The following MAP4K3 variants were observed in gnomAD, a reference collection of about 807,000 sequenced individuals.
MAP4K3 encodes the protein MAPK/ERK kinase kinase kinase 3.
In MAP4K3, 94 loss-of-function variants were observed where a neutral mutation model predicts 143.5. The observed-to-expected ratio is 0.65, with a 90% confidence interval of 0.55 to 0.78. The LOEUF is 0.78. Among genes scored for constraint, MAP4K3 ranks in the 30% least tolerant of loss-of-function variants. The pLI, the probability that MAP4K3 is intolerant of heterozygous loss-of-function variation, is 0.00. For synonymous variants in MAP4K3, 416 were observed against 347.2 expected, an observed-to-expected ratio of 1.20 and a Z score of -2.20; for missense variants, 1,077 against 1,068.1, an observed-to-expected ratio of 1.01 and a Z score of -0.12.
intron 3 of MAP4K3, among the ~76,000 whole-genome samples, chr2:39,352,961 A>G (rs1665501506): frequency 6.6e-6 from 1 of 152,216 alleles, no homozygotes; most frequent in Non-Finnish European, 1.5e-5. Flanking sequence ...CGGGGTTTCT[A>G]TCAAGTTCAA....
At chr2:39,345,923 A>C (rs1223507559) in intron 3 of MAP4K3, among the ~76,000 whole-genome samples, 1 of 141,100 alleles carries the variant, frequency 7.1e-6, no homozygotes, top group Non-Finnish European at 1.5e-5. Context: ...CTCTGTCTCA[A>C]AAAAAAAAAA....
chr2:39,346,160 A>G (rs2148539370), intron 3 of MAP4K3, among the ~76,000 whole-genome samples: 1 of 152,318 alleles, frequency 6.6e-6, no homozygotes, highest in East Asian at 1.9e-4. Context: ...AGACTGGCAG[A>G]TGTGTGGTCT....
At chr2:39,282,325 C>G (rs1325687077) in intron 22 of MAP4K3, among the ~76,000 whole-genome samples, 188 bp downstream of exon 22, 1 of 152,158 alleles carries the variant, frequency 6.6e-6, no homozygotes, top group East Asian at 1.9e-4. Context: ...TGGTGAAACT[C>G]TGTCTCTATT....
chr2:39,328,633 G>A (rs538637941), intron 8 of MAP4K3, among the ~76,000 whole-genome samples: 1 of 152,126 alleles, frequency 6.6e-6, no homozygotes, highest in Admixed American at 6.5e-5. Flanking sequence ...TGTTCTGGTG[G>A]TTTCTTACCA....
At position 39,282,524 on chromosome 2, in the gene MAP4K3, G is replaced by A. The variant is rs1681582383; in HGVS notation, c.1618C>T (p.Pro540Ser). 6.2e-7 allele frequency: 1 copy of A among 1,611,314 alleles called. No individual in the cohort carries two copies. Among genetic ancestry groups the A allele is most frequent in the East Asian group, 2.2e-5 (1 of 44,766 alleles). The change falls in exon 22 of 34, where the codon CCT becomes TCT. Residue 540 changes from proline (P) to serine (S), a missense_variant. Pro to Ser is a moderately conservative substitution (Grantham distance 74, BLOSUM62 -1). Coordinates refer to ENST00000263881, the MANE Select transcript of MAP4K3 (RefSeq NM_003618.4). ...TATTTAGTACTTACATGCACTTTAG[G>A]TGTTGGAGGAAGACCATTACTAATA... Reference protein sequence around the residue: ...KPISNGLPPTPKVHMGACFSK... With the variant: ...KPISNGLPPTSKVHMGACFSK...
intron 14 of MAP4K3, 44 bp downstream of exon 14, chr2:39,309,417 A>G: frequency 2.1e-6 from 3 of 1,410,408 alleles, no homozygotes; most frequent in Non-Finnish European, 2.9e-6. Flanking sequence ...AACAAATTAA[A>G]ACATTTATTT....
At chr2:39,422,837 A>G (rs984018172) in intron 1 of MAP4K3, among the ~76,000 whole-genome samples, 20 of 152,328 alleles carry the variant, frequency 1.3e-4, no homozygotes, top group African/African-American at 3.8e-4. Flanking sequence ...AGAAGATAAC[A>G]TACAAGAAAA....
chr2:39,396,455 T>G (rs948132377), intron 1 of MAP4K3, among the ~76,000 whole-genome samples: 1 of 151,764 alleles, frequency 6.6e-6, no homozygotes, highest in African/African-American at 2.4e-5. Flanking sequence ...CTCAAGACAA[T>G]GTGCTTTAAC....
chr2:39,269,971 T>A (rs958695211), intron 26 of MAP4K3, among the ~76,000 whole-genome samples: 21 of 152,174 alleles, frequency 1.4e-4, no homozygotes, highest in African/African-American at 4.8e-4. Context: ...TCTTAACGAA[T>A]CTGCTTTGAA....
chr2:39,389,815 G>C (rs954001976), intron 1 of MAP4K3, among the ~76,000 whole-genome samples: 2 of 152,144 alleles, frequency 1.3e-5, no homozygotes, highest in Admixed American at 6.5e-5. Flanking sequence ...GAAAGTTTAA[G>C]ATGCAAGGAG....
intron 13 of MAP4K3, among the ~76,000 whole-genome samples, chr2:39,314,051 A>C (rs1683033716): frequency 6.6e-6 from 1 of 151,670 alleles, no homozygotes; most frequent in African/African-American, 2.4e-5. Context: ...TTTTTTTCCA[A>C]ACAGAATCTT....
intron 2 of MAP4K3, among the ~76,000 whole-genome samples, chr2:39,370,912 TATA>T (rs939047847): frequency 2.8e-4 from 42 of 152,218 alleles, no homozygotes; most frequent in Admixed American, 1.8e-3. Flanking sequence ...AACTTATTTA[TATA>T]ATAACACCTT....
intron 2 of MAP4K3, 43 bp from the exon 3 acceptor site, chr2:39,356,382 T>TC (rs1665611375): frequency 1.0e-6 from 1 of 1,003,640 alleles, no homozygotes. Flanking sequence ...GAGGTAAGTT[T>TC]CAAAATGCTC....
Position 39,334,901 on chromosome 2 carries a change from G to T in MAP4K3, c.415-1327C>A, listed in dbSNP as rs541505305. Among the ~76,000 whole-genome samples the T allele has an allele frequency of 8.5e-5, 13 of 152,272 alleles. 1 individual carries two copies. Among genetic ancestry groups the T allele is most frequent in the Admixed American group, 7.9e-4 (12 of 15,278 alleles). ...AAAGTCAGGTAGAAATAATTACTCT[G>T]AAGACACAGCAGGGAAGGCCTCTCC... On this transcript the variant is annotated intron_variant, in intron 6 of 33. Transcript: ENST00000263881.
In MAP4K3 at chr2:39,337,751, A is replaced by ATTTTT. The variant is rs1573169563; in HGVS notation, c.311-171_311-170insAAAAA. ...CTACTGTCCTACTGTGCCTGGCTCC[A>ATTTTT]GTTTTTTTTTTTTTTTTTTTTTTTT... On this transcript the variant is annotated intron_variant, in intron 4 of 33. Transcript: ENST00000263881. 5.0e-5 allele frequency among the ~76,000 whole-genome samples: 4 copies of ATTTTT among 80,122 alleles called. No individual in the cohort carries two copies. In the East Asian group the frequency reaches 1.3e-3, roughly 27 times the overall value. The allele number at this position is 80,122 out of a possible 152,430, so 52.6% of individuals were successfully genotyped here. A position where few individuals can be genotyped will look rare whatever the true frequency, so the allele number is the denominator to read the frequency against.
At chr2:39,280,226 G>A (rs200205659) in intron 23 of MAP4K3, 46 bp downstream of exon 23, 7 of 1,147,144 alleles carry the variant, frequency 6.1e-6, no homozygotes, top group Non-Finnish European at 7.3e-6. Flanking sequence ...CATGGCCCCA[G>A]TTTTAAAAAA....
intron 1 of MAP4K3, among the ~76,000 whole-genome samples, chr2:39,433,008 T>C (rs1252557170): frequency 2.6e-5 from 4 of 152,218 alleles, no homozygotes; most frequent in Admixed American, 6.5e-5. Flanking sequence ...AAGAATCTAA[T>C]AGTCAAGTAA....
rs575651707 is a variant in MAP4K3, at chr2:39,367,902, C to G, written c.154+10164G>C. On this transcript the variant is annotated intron_variant, in intron 2 of 33. Transcript: ENST00000263881. ...TTAAGATTTTTTTCATCCCAAAGAA[C>G]CAGTTCCACTCCTTTCTTATTTTAA... Among the ~76,000 whole-genome samples, 22 of 152,262 alleles carry G rather than the reference C, an allele frequency of 1.4e-4. No homozygotes were observed. In the South Asian group the frequency reaches 4.4e-3, roughly 30 times the overall value.
chr2:39,283,473 T>C (rs1328720764), intron 21 of MAP4K3, among the ~76,000 whole-genome samples: 2 of 152,246 alleles, frequency 1.3e-5, no homozygotes, highest in Admixed American at 1.3e-4. Context: ...AACTGAGTTA[T>C]CTTTTTTCAT....
Sources: allele counts gnomAD v4.1 joint callset (sites outside exome capture counted in the v4.1 genomes callset), GRCh38; gene constraint gnomAD v4.1.1; transcripts MANE v1.5; gene names NCBI Gene and HGNC (gene_info 2026-07-23, HGNC 2026-07-21).